Variants in CPLX2 observed in about 807,000 individuals in gnomAD.
The protein encoded by CPLX2 is complexin 2, also known as complexin-2.
In CPLX2, 5 loss-of-function variants were observed where a neutral mutation model predicts 16.3. The observed-to-expected ratio is 0.31, with a 90% CI of 0.16 to 0.64. The LOEUF is 0.64. CPLX2 is among the 30% of genes least tolerant of loss of function. CPLX2 has a pLI of 0.79. For missense variants in CPLX2, 144 were observed against 181.4 expected, an observed-to-expected ratio of 0.79 and a Z score of 1.18; for synonymous variants, 89 against 73.2, an observed-to-expected ratio of 1.22 and a Z score of -1.10.
At chr5:175,841,335 C>G (rs141097821) in intron 2 of CPLX2, among the ~76,000 whole-genome samples, 2 of 152,206 alleles carry the variant, frequency 1.3e-5, no homozygotes, top group Non-Finnish European at 2.9e-5. Context: ...TGTGCAAGCT[C>G]CCAGCAGGTG....
intron 2 of CPLX2, among the ~76,000 whole-genome samples, chr5:175,832,660 A>C (rs1412636401): frequency 6.6e-6 from 1 of 152,196 alleles, no homozygotes; most frequent in Non-Finnish European, 1.5e-5. Context: ...GAATCTTCCA[A>C]ACCCAGCAGG....
chr5:175,859,159 G>C (rs953089380), intron 2 of CPLX2, among the ~76,000 whole-genome samples: 1 of 152,220 alleles, frequency 6.6e-6, no homozygotes, highest in African/African-American at 2.4e-5. Flanking sequence ...ACACATCTGA[G>C]AGGCTATTGC....
chr5:175,845,319 A>G lies in CPLX2; in HGVS notation c.-88-33333A>G, dbSNP rs1759021971. On this transcript the variant is annotated intron_variant, in intron 2 of 4. Transcript: ENST00000359546. The surrounding 1 kb of genome is among the most constrained non-coding windows in gnomAD (Gnocchi z 4.0). ...CCCACTCTGGGACCCGCAAGGCCCC[A>G]CATCACCTGGCTCCTGCGGCCTCTC... 6.6e-6 allele frequency among the ~76,000 whole-genome samples: 1 copy of G among 152,214 alleles called. No individual in the cohort carries two copies. The highest frequency in any genetic ancestry group is 1.5e-5 in the Non-Finnish European group (1 of 68,034).
intron 2 of CPLX2, among the ~76,000 whole-genome samples, chr5:175,857,315 C>T (rs1253207822): frequency 6.6e-6 from 1 of 152,210 alleles, no homozygotes; most frequent in East Asian, 1.9e-4. Flanking sequence ...ACTGGGACAT[C>T]CCTGTCCTGT....
At chr5:175,811,013 G>C (rs1169172358) in intron 2 of CPLX2, among the ~76,000 whole-genome samples, 3 of 152,236 alleles carry the variant, frequency 2.0e-5, no homozygotes, top group African/African-American at 7.2e-5. Flanking sequence ...GCTTTGGAAT[G>C]AGGGCCAAGT....
intron 2 of CPLX2, among the ~76,000 whole-genome samples, chr5:175,818,971 T>C (rs1488504102): frequency 6.6e-6 from 1 of 152,208 alleles, no homozygotes; most frequent in Non-Finnish European, 1.5e-5. Context: ...CCCCGACTTC[T>C]AATTTCATAG....
intron 2 of CPLX2, among the ~76,000 whole-genome samples, chr5:175,839,074 G>A (rs1442612385): frequency 6.6e-6 from 1 of 152,024 alleles, no homozygotes; most frequent in Non-Finnish European, 1.5e-5. Context: ...TTTTAAAAAT[G>A]TTTTTAGAGA....
chr5:175,823,104 C>A (rs1338019382), intron 2 of CPLX2, among the ~76,000 whole-genome samples: 4 of 152,248 alleles, frequency 2.6e-5, no homozygotes, highest in Admixed American at 2.6e-4. Flanking sequence ...GCTCTAGCAG[C>A]ACCTTATGCT....
chr5:175,815,132 C>T (rs1758383111), intron 2 of CPLX2, among the ~76,000 whole-genome samples: 2 of 152,218 alleles, frequency 1.3e-5, no homozygotes, highest in African/African-American at 4.8e-5. Context: ...CCTGAGGCCT[C>T]CTTTCTCCTA....
chr5:175,850,343 T>G (rs568462263), intron 2 of CPLX2, among the ~76,000 whole-genome samples: 16 of 152,136 alleles, frequency 1.1e-4, no homozygotes, highest in Non-Finnish European at 2.1e-4. Flanking sequence ...AAAACGCAAG[T>G]CTGGCAGGAG....
intron 2 of CPLX2, among the ~76,000 whole-genome samples, chr5:175,859,386 T>C (rs1293981685): frequency 6.6e-6 from 1 of 152,162 alleles, no homozygotes; most frequent in East Asian, 1.9e-4. Context: ...ATCATAGCTC[T>C]GAGATGAAAA....
chr5:175,798,311 A>G (rs1758030407), intron 1 of CPLX2, among the ~76,000 whole-genome samples: 1 of 152,210 alleles, frequency 6.6e-6, no homozygotes, highest in African/African-American at 2.4e-5. Flanking sequence ...AAAATGGTAG[A>G]TCCCATGACT....
chr5:175,878,749 G>A lies in CPLX2; in HGVS notation c.10G>A (p.Val4Ile). The A allele has an allele frequency of 1.9e-6, 3 of 1,613,530 alleles. No individual in the cohort carries two copies. Among genetic ancestry groups the A allele is most frequent in the Non-Finnish European group, 2.5e-6 (3 of 1,179,886 alleles). Residue 4 changes from valine to isoleucine, a missense_variant, in exon 2 of 4, where the codon GTC (valine) becomes ATC (isoleucine). Val to Ile is a conservative substitution (Grantham distance 29, BLOSUM62 3). Coordinates refer to ENST00000393745, the MANE Select transcript of CPLX2 (RefSeq NM_001008220.2). Reference sequence around the variant, plus strand: ...AACCAGAGCCGGCGGCATGGACTTCGTCATGAAGCAGGCCCTTGGAGGTGA... The same window carrying A: ...AACCAGAGCCGGCGGCATGGACTTCATCATGAAGCAGGCCCTTGGAGGTGA... MDF[V>I]MKQALGGATK...
chr5:175,814,750 C>T (rs892934095), intron 2 of CPLX2, among the ~76,000 whole-genome samples: 1 of 152,202 alleles, frequency 6.6e-6, no homozygotes, highest in African/African-American at 2.4e-5. Flanking sequence ...AGAGCCAAAG[C>T]TGCACAAGGG....
At chr5:175,871,456 A>AGAGGGAGAGAGAGAGAGAGAGGGG (rs1186414614), upstream of CPLX2, 1 of 122,816 alleles carries the variant, frequency 8.1e-6, no homozygotes, top group Non-Finnish European at 1.8e-5. Context: ...AGAGAGAGAG[A>AGAGGGAGAGAGAGAGAGAGAGGGG]GAGAGAGAGA....
In CPLX2 at chr5:175,852,553, T is replaced by TC. The variant is rs529189399; in HGVS notation, c.-88-26098dup. On this transcript the variant is annotated intron_variant, in intron 2 of 4. Transcript: ENST00000359546. The stretch of plus-strand genomic sequence containing the variant: ...GGCACGTACATTCACACACTGCATC[T>TC]CATTTAATCTTCCGAACAGCCCCGG... 4.1e-4 allele frequency among the ~76,000 whole-genome samples: 62 copies of TC among 152,346 alleles called. 1 individual carries two copies. In the South Asian group the frequency reaches 0.013, roughly 31 times the overall value.
intron 1 of CPLX2, among the ~76,000 whole-genome samples, chr5:175,798,713 T>C (rs750663580): frequency 2.6e-5 from 4 of 152,040 alleles, no homozygotes; most frequent in Non-Finnish European, 5.9e-5. Flanking sequence ...TTTAGAAAAA[T>C]AGAAAGAATA....
At chr5:175,800,597 G>T (rs1758075058) in intron 1 of CPLX2, among the ~76,000 whole-genome samples, 1 of 152,142 alleles carries the variant, frequency 6.6e-6, no homozygotes, top group South Asian at 2.1e-4. Flanking sequence ...CTATCAGCTT[G>T]GGATGAGACT....
chr5:175,835,317 TA>T (rs1472175315), intron 2 of CPLX2, among the ~76,000 whole-genome samples: 1 of 152,200 alleles, frequency 6.6e-6, no homozygotes, highest in Non-Finnish European at 1.5e-5. Flanking sequence ...GCTCCCTTTT[TA>T]AAAAAGTAAT....
Sources: gnomAD v4.1 joint callset for allele counts (sites outside exome capture counted in the v4.1 genomes callset) on GRCh38, gnomAD v4.1.1 for gene constraint, Gnocchi (gnomAD v3.1) non-coding constraint, MANE v1.5 for transcripts, NCBI Gene and HGNC (gene_info 2026-07-23, HGNC 2026-07-21) for gene names.